Variants in RAB37 observed in about 807,000 individuals in gnomAD.
RAB37 encodes the protein RAB37, member RAS oncogene family.
In RAB37, 29 loss-of-function variants were observed where a neutral mutation model predicts 33.1. The observed-to-expected ratio is 0.88, with a 90% CI of 0.65 to 1.20. The LOEUF (loss-of-function observed/expected upper bound fraction) is 1.20, where lower values mean the gene tolerates loss of function less well. Ranked by LOEUF, RAB37 falls within the 50% of genes most tolerant of loss-of-function variation. RAB37 has a pLI of 0.00. For synonymous variants in RAB37, 128 were observed against 119.5 expected (o/e 1.07, Z -0.47); for missense variants, 299 against 301.1 (o/e 0.99, Z 0.05).
rs950508952 is a variant in RAB37 at position 74,676,395 on chromosome 17, T to G, written c.72+4737T>G. Among the ~76,000 whole-genome samples, 2 of 152,164 alleles carry G rather than the reference T, an allele frequency of 1.3e-5. No homozygotes were observed. Among genetic ancestry groups the G allele is most frequent in the African/African-American group, 4.8e-5 (2 of 41,440 alleles). Reference sequence around the variant, plus strand: ...CCATTCATCCAGGGCTTGGTTCTTCTTGGGTGAAAAGGGATTACCAGGTCT... The same window carrying G: ...CCATTCATCCAGGGCTTGGTTCTTCGTGGGTGAAAAGGGATTACCAGGTCT... On this transcript the variant is annotated intron_variant, in intron 1 of 7. Transcript: ENST00000340415. The surrounding 1 kb of genome is among the most constrained non-coding windows in gnomAD (Gnocchi z 4.1).
At chr17:74,733,450 G>GTA (rs1567811682), upstream of RAB37, among the ~76,000 whole-genome samples, 20 of 234 alleles carry the variant, frequency 0.085, no homozygotes, top group South Asian at 0.25. Flanking sequence ...GTGATGTGAG[G>GTA]TGTGTGTGAT....
chr17:74,672,107 C>T (rs1456026133), intron 1 of RAB37, among the ~76,000 whole-genome samples: 1 of 152,166 alleles, frequency 6.6e-6, no homozygotes, highest in African/African-American at 2.4e-5. Context: ...AAATCAGACT[C>T]CCTCATGGCT....
Position 74,744,711 on chromosome 17 carries a change from G to A in RAB37, c.433-162G>A. On this transcript the variant is annotated intron_variant, in intron 6 of 8. Coordinates refer to ENST00000392613, the MANE Select transcript of RAB37 (RefSeq NM_001006638.3). This position sits in a 1 kb window ranked among gnomAD's most constrained non-coding sequence, Gnocchi z 4.2. The stretch of plus-strand genomic sequence containing the variant: ...TTACCAAAGGTGAGATCCCAGAGCT[G>A]GGAGCTACACTGGGCAGAAACCCTG... 2.5e-6 allele frequency: 2 copies of A among 791,564 alleles called. No homozygotes were observed. The highest frequency in any genetic ancestry group is 4.2e-6 in the Non-Finnish European group (2 of 472,038). The allele number at this position is 791,564 out of a possible 1,614,324, so 49.0% of individuals were successfully genotyped here.
At chr17:74,701,821 A>G (rs996841305) in intron 1 of RAB37, among the ~76,000 whole-genome samples, 25 of 149,844 alleles carry the variant, frequency 1.7e-4, no homozygotes, top group African/African-American at 6.1e-4. Context: ...CTGCACTCCA[A>G]CCTGGGCAAC....
intron 1 of RAB37, among the ~76,000 whole-genome samples, chr17:74,717,434 A>T (rs1212921504): frequency 6.6e-6 from 1 of 152,198 alleles, no homozygotes; most frequent in Non-Finnish European, 1.5e-5. Flanking sequence ...ATGTGATGGC[A>T]TTACGAGGTT....
At position 74,742,002 on chromosome 17, in the gene RAB37, C is replaced by T. The variant is rs992842814; in HGVS notation, c.205-252C>T. ...TGGGCTGCCTGATCCCTGGAGAGAG[C>T]CAGGATGTTTCTCAGGCTCCTCTTG... On this transcript the variant is annotated intron_variant, in intron 2 of 8. Coordinates refer to ENST00000392613, the MANE Select transcript of RAB37 (RefSeq NM_001006638.3). This position sits in a 1 kb window ranked among gnomAD's most constrained non-coding sequence, Gnocchi z 4.0. Among the ~76,000 whole-genome samples the T allele has an allele frequency of 7.2e-5, 11 of 152,172 alleles. No homozygotes were observed. Among genetic ancestry groups the T allele is most frequent in the African/African-American group, 2.7e-4 (11 of 41,414 alleles).
At chr17:74,695,230 T>C (rs758146355) in intron 1 of RAB37, 7 of 1,614,036 alleles carry the variant, frequency 4.3e-6, no homozygotes, top group South Asian at 1.1e-5. Flanking sequence ...GCATAGGAAA[T>C]GTCCTCCTTC....
At chr17:74,683,910 C>T (rs955379652) in intron 1 of RAB37, among the ~76,000 whole-genome samples, 1 of 152,056 alleles carries the variant, frequency 6.6e-6, no homozygotes, top group African/African-American at 2.4e-5. Flanking sequence ...GGAAGTGTGG[C>T]CTGGAAGGCA....
intron 1 of RAB37, among the ~76,000 whole-genome samples, chr17:74,675,015 C>CA (rs1019222268): frequency 6.6e-6 from 1 of 152,178 alleles, no homozygotes; most frequent in African/African-American, 2.4e-5. Context: ...TGACTTTGAG[C>CA]AACATCTGTG....
chr17:74,687,922 A>G (rs2032086247), intron 1 of RAB37, among the ~76,000 whole-genome samples: 1 of 152,154 alleles, frequency 6.6e-6, no homozygotes, highest in Admixed American at 6.5e-5. Flanking sequence ...AAAGTTACCA[A>G]CTGTCCTTTC....
At chr17:74,728,042 C>A (rs1029593677) in intron 1 of RAB37, among the ~76,000 whole-genome samples, 1 of 151,310 alleles carries the variant, frequency 6.6e-6, no homozygotes, top group African/African-American at 2.4e-5. Flanking sequence ...TTATACATGT[C>A]TCTGTGTATG....
At chr17:74,694,802 AATG>A (rs2032273463) in intron 1 of RAB37, 1 of 284,312 alleles carries the variant, frequency 3.5e-6, no homozygotes. Flanking sequence ...TCATGATAAT[AATG>A]ATAACATTTT....
rs1479984312 is a variant in RAB37, at chr17:74,671,641, G to A, written c.55G>A (p.Asp19Asn). The change falls in exon 1 of 8, where the codon GAC becomes AAC. Residue 19 changes from aspartate to asparagine, a missense_variant. Asp to Asn is a conservative substitution (Grantham distance 23). Coordinates refer to the RAB37 transcript ENST00000340415. This position sits in a 1 kb window ranked among gnomAD's most constrained non-coding sequence, Gnocchi z 5.0. ...GGGAGGAGCTGGCCCTGACTTCAACGACCACGTCCTGCATAAGGTAAACAT... is the reference window on the plus strand; with the variant it reads ...GGGAGGAGCTGGCCCTGACTTCAACAACCACGTCCTGCATAAGGTAAACAT... 7 of 1,614,058 alleles carry A rather than the reference G, an allele frequency of 4.3e-6. No homozygotes were observed. Among genetic ancestry groups the A allele is most frequent in the African/African-American group, 2.7e-5 (2 of 74,932 alleles).
At chr17:74,691,986 C>T (rs1027930307) in intron 1 of RAB37, among the ~76,000 whole-genome samples, 1 of 151,936 alleles carries the variant, frequency 6.6e-6, no homozygotes, top group Admixed American at 6.6e-5. Flanking sequence ...CTACCTCGGC[C>T]TCCCAAGTAG....
chr17:74,716,352 T>C (rs1054602579), intron 1 of RAB37, among the ~76,000 whole-genome samples: 3 of 152,198 alleles, frequency 2.0e-5, no homozygotes, highest in East Asian at 3.8e-4. Context: ...GCCCTGGCCT[T>C]GTGTGCTCTG....
intron 1 of RAB37, chr17:74,677,312 AC>A (rs1240309411): frequency 1.3e-5 from 2 of 152,168 alleles, no homozygotes; most frequent in African/African-American, 4.8e-5. Context: ...AGAAAATTGT[AC>A]AAGAGAAAGA....
intron 1 of RAB37, among the ~76,000 whole-genome samples, chr17:74,722,429 T>C (rs1215737296): frequency 2.0e-5 from 3 of 152,190 alleles, no homozygotes; most frequent in Admixed American, 6.5e-5. Flanking sequence ...CGAGGCAGAA[T>C]TTCTGCTTCC....
rs574511066 is a variant in RAB37 at position 74,744,858 on chromosome 17, A to G, written c.433-15A>G. ...GAGGCCTCCTTCCCCAGAGTGACCC[A>G]TTTGGGCTTGACAGGCGGATATGAG... On this transcript the variant is annotated splice_polypyrimidine_tract_variant and intron_variant, in intron 6 of 8. Coordinates refer to ENST00000392613, the MANE Select transcript of RAB37 (RefSeq NM_001006638.3). The surrounding 1 kb of genome is among the most constrained non-coding windows in gnomAD (Gnocchi z 4.2). The G allele has an allele frequency of 2.9e-4, 473 of 1,614,232 alleles. 2 individuals are homozygous for G. In the South Asian group the frequency reaches 4.8e-3, roughly 16 times the overall value.
At chr17:74,736,866 G>T, upstream of RAB37, 1 of 1,518,438 alleles carries the variant, frequency 6.6e-7, no homozygotes, top group African/African-American at 1.4e-5. Context: ...GCCACCTGGG[G>T]ACAGCCCACG....
Sources: allele counts gnomAD v4.1 joint callset (sites outside exome capture counted in the v4.1 genomes callset), GRCh38; gene constraint gnomAD v4.1.1; non-coding constraint Gnocchi (gnomAD v3.1); transcripts MANE v1.5; gene names NCBI Gene and HGNC (gene_info 2026-07-23, HGNC 2026-07-21).